Variants in CEP131 observed in about 807,000 individuals in gnomAD.
CEP131 encodes centrosomal protein of 131 kDa.
A neutral mutation model predicts 136.8 loss-of-function variants in CEP131; 99 were observed. The ratio of observed to expected loss-of-function variants is 0.72; its 90% CI spans 0.62 to 0.86. The LOEUF is 0.86. Among genes scored for constraint, CEP131 ranks in the 40% least tolerant of loss-of-function variants. CEP131 has a pLI of 0.00. For missense variants in CEP131, 1,459 were observed against 1,463.0 expected, an observed-to-expected ratio of 1.00 and a Z score of 0.04; for synonymous variants, 646 against 612.7, an observed-to-expected ratio of 1.05 and a Z score of -0.80.
chr17:81,193,767 C>T (rs1260395629), intron 18 of CEP131, among the ~76,000 whole-genome samples, 159 bp downstream of exon 18: 2 of 152,194 alleles, frequency 1.3e-5, no homozygotes, highest in Non-Finnish European at 2.9e-5. Context: ...TGAGGCTGGG[C>T]CCCCAAGGGC....
intron 12 of CEP131, 31 bp from the exon 13 acceptor site, chr17:81,197,919 G>A (rs377079557): frequency 3.4e-5 from 55 of 1,599,206 alleles, no homozygotes; most frequent in Non-Finnish European, 4.6e-5. Flanking sequence ...ATCGGGGGCT[G>A]TCAGGGCAGC....
At position 81,222,507 on chromosome 17, in the gene CEP131, G is replaced by A. The variant is rs868608767; in HGVS notation, c.-18+262C>T. 3.6e-4 allele frequency among the ~76,000 whole-genome samples: 55 copies of A among 152,316 alleles called. 1 individual carries two copies. The South Asian group carries it at 4.1e-3, about 11-fold the overall frequency. On this transcript the variant is annotated intron_variant, in intron 1 of 25. Coordinates refer to ENST00000450824, the MANE Select transcript of CEP131 (RefSeq NM_014984.4). ...TGGAGAGGGTGGAGGGGATGGAGGT[G>A]GGGACCCACACCCTCAGGCACGAGC...
intron 8 of CEP131, 68 bp downstream of exon 8, chr17:81,200,261 T>C: frequency 7.8e-7 from 1 of 1,276,138 alleles, no homozygotes; most frequent in Non-Finnish European, 1.1e-6. Flanking sequence ...TCCCAGAAAC[T>C]CAAACCCCTG....
rs752743545 is a variant in CEP131, at chr17:81,196,835, T to A, written c.1774-9A>T. ...AGGTCTCGCTGCTGCGCCTGCAGGG[T>A]GTGGGCAGAGGAGGGAAGCGCTAGG... On this transcript the variant is annotated splice_polypyrimidine_tract_variant and intron_variant, in intron 14 of 25. Coordinates refer to ENST00000450824, the MANE Select transcript of CEP131 (RefSeq NM_014984.4). 6.3e-7 allele frequency: 1 copy of A among 1,597,080 alleles called. No individual in the cohort carries two copies. The highest frequency in any genetic ancestry group is 8.5e-7 in the Non-Finnish European group (1 of 1,172,918).
At chr17:81,195,810 C>T (rs377733525) in intron 16 of CEP131, 25 bp downstream of exon 16, 15 of 1,588,136 alleles carry the variant, frequency 9.4e-6, no homozygotes, top group African/African-American at 2.7e-5. Flanking sequence ...CTTGGGACGC[C>T]GTGCAGTAGG....
chr17:81,203,459 C>A lies in CEP131; in HGVS notation c.629+35G>T. ...ACTACATGCCCTAACTGAGGTCGGA[C>A]CCCGCAGCCCCGCGGCCTCCCCAGA... is the stretch of plus-strand genomic sequence containing the variant. On this transcript the variant is annotated intron_variant, in intron 6 of 25. Transcript: ENST00000450824. This position sits in a 1 kb window ranked among gnomAD's most constrained non-coding sequence, Gnocchi z 4.6. 6.5e-7 allele frequency: 1 copy of A among 1,527,368 alleles called. No homozygotes were observed. The highest frequency in any genetic ancestry group is 2.4e-5 in the East Asian group (1 of 42,024). The allele number at this position is 1,527,368 out of a possible 1,614,324, so 94.6% of individuals were successfully genotyped here. A position where few individuals can be genotyped will look rare whatever the true frequency, so the allele number is the denominator to read the frequency against.
rs1298986935 is a variant in CEP131 at position 81,192,972 on chromosome 17, T to G, written c.2322-129A>C. On this transcript the variant is annotated intron_variant, in intron 18 of 25. Coordinates refer to ENST00000450824, the MANE Select transcript of CEP131 (RefSeq NM_014984.4). ...GAGCAGCCCTCCGGGGCCCTGCCCC[T>G]CCCCCTCGGCAGTCAAGGCCCCTCA... The G allele has an allele frequency of 5.0e-6, 7 of 1,387,696 alleles. No homozygotes were observed. In the African/African-American group the frequency reaches 7.2e-5, roughly 14 times the overall value. The allele number at this position is 1,387,696 out of a possible 1,614,324, so 86.0% of individuals were successfully genotyped here.
At chr17:81,193,638 T>TG (rs2061690075) in intron 18 of CEP131, among the ~76,000 whole-genome samples, 4 of 151,974 alleles carry the variant, frequency 2.6e-5, no homozygotes, top group Admixed American at 2.6e-4. Flanking sequence ...TGTGAAAGAG[T>TG]GGATGTCTGG....
At chr17:81,221,080 G>A (rs915863116) in intron 1 of CEP131, among the ~76,000 whole-genome samples, 8 of 142,996 alleles carry the variant, frequency 5.6e-5, no homozygotes, top group South Asian at 2.3e-4. Flanking sequence ...AGCCAAGATC[G>A]TGACACTGCA....
intron 2 of CEP131, among the ~76,000 whole-genome samples, chr17:81,212,043 G>A (rs983619759): frequency 2.6e-5 from 4 of 151,982 alleles, no homozygotes; most frequent in South Asian, 2.1e-4. Context: ...GGCCGGGTGC[G>A]GTGGCTCATG....
At chr17:81,211,358 A>G (rs189825079) in intron 2 of CEP131, among the ~76,000 whole-genome samples, 9 of 152,334 alleles carry the variant, frequency 5.9e-5, no homozygotes, top group Admixed American at 5.2e-4. Flanking sequence ...AGGAGAAACA[A>G]GATGCCTTCT....
chr17:81,196,925 G>A lies in CEP131; in HGVS notation c.1773+5C>T, dbSNP rs765938972. The A allele has an allele frequency of 4.0e-5, 64 of 1,609,148 alleles. No homozygotes were observed. In the South Asian group the frequency reaches 5.1e-4, roughly 13 times the overall value. On this transcript the variant is annotated splice_donor_5th_base_variant and intron_variant, in intron 14 of 25. Coordinates refer to ENST00000450824, the MANE Select transcript of CEP131 (RefSeq NM_014984.4). Reference sequence around the variant, plus strand: ...GCCCGGGATTAGCAGTGCCAGCAGCGTTACCAGCGCTCTCTGCAGCAGCAG... The same window carrying A: ...GCCCGGGATTAGCAGTGCCAGCAGCATTACCAGCGCTCTCTGCAGCAGCAG...
At position 81,192,396 on chromosome 17, in the gene CEP131, G is replaced by T; in HGVS notation, c.2548-4C>A. On this transcript the variant is annotated splice_polypyrimidine_tract_variant and splice_region_variant and intron_variant, in intron 20 of 25. Transcript: ENST00000450824. ...GCTTCAGGGTATTCAGCTCCATCTG[G>T]GGGGCGGACATAAGAGGCCAGTCAG... 6 of 1,609,498 alleles carry T rather than the reference G, an allele frequency of 3.7e-6. No homozygotes were observed. Among genetic ancestry groups the T allele is most frequent in the Non-Finnish European group, 5.1e-6 (6 of 1,178,960 alleles).
chr17:81,197,028 G>C lies in CEP131; in HGVS notation c.1675C>G (p.Pro559Ala), dbSNP rs2061772933. ...CTCACCTCGGACCCCAGCTCCAGGG[G>C]CCCCGGCCCCGCCTCCGGCACCCAC... is the stretch of plus-strand genomic sequence containing the variant. The part of the protein sequence containing the change: ...EGWVPEAGPG[P>A]LELGSEVSTS... The change falls in exon 14 of 26, where the codon CCC (proline) becomes GCC (alanine). Residue 559 changes from proline to alanine, a missense_variant. Around this residue, in one of 3 missense-constraint regions of CEP131, gnomAD observed 1,026 missense variants for 964.2 expected, o/e 1.06. Transcript: ENST00000450824. 1 of 1,589,488 alleles carries C rather than the reference G, an allele frequency of 6.3e-7. No individual in the cohort carries two copies. Among genetic ancestry groups the C allele is most frequent in the Non-Finnish European group, 8.6e-7 (1 of 1,168,270 alleles).
In CEP131 at chr17:81,219,850, G is replaced by A. The variant is rs1020827274; in HGVS notation, c.177+30C>T. ...TGAACAACAGCCCTCCAGGAGGCAG[G>A]GGCCCGGACTCCTAGGCCACAGTAC... On this transcript the variant is annotated intron_variant, in intron 2 of 25. Coordinates refer to ENST00000450824, the MANE Select transcript of CEP131 (RefSeq NM_014984.4). This position sits in a 1 kb window ranked among gnomAD's most constrained non-coding sequence, Gnocchi z 4.0. The A allele has an allele frequency of 6.6e-7, 1 of 1,519,560 alleles. No homozygotes were observed. Among genetic ancestry groups the A allele is most frequent in the Non-Finnish European group, 8.9e-7 (1 of 1,127,378 alleles). 94.1% of individuals were successfully genotyped at this position (1,519,560 alleles called of 1,614,324 possible).
intron 2 of CEP131, among the ~76,000 whole-genome samples, chr17:81,218,706 C>T (rs2062313498): frequency 6.6e-6 from 1 of 152,258 alleles, no homozygotes; most frequent in Non-Finnish European, 1.5e-5. Flanking sequence ...GCTGCCCTTA[C>T]CCCGGAACTC....
intron 2 of CEP131, among the ~76,000 whole-genome samples, chr17:81,212,989 A>G (rs2062168122): frequency 6.6e-6 from 1 of 152,206 alleles, no homozygotes; most frequent in Admixed American, 6.5e-5. Context: ...CCACTCTCCA[A>G]GAAAAAGAAC....
rs747657923 is a variant in CEP131 at position 81,199,700 on chromosome 17, G to A, written c.1023+19C>T. On this transcript the variant is annotated intron_variant, in intron 9 of 25. Coordinates refer to ENST00000450824, the MANE Select transcript of CEP131 (RefSeq NM_014984.4). Reference sequence around the variant, plus strand: ...GCCTGGGCCACGGTGCTGCTCAGTGGTCCCTGCGCGGTCAGCACCTGAATG... The same window carrying A: ...GCCTGGGCCACGGTGCTGCTCAGTGATCCCTGCGCGGTCAGCACCTGAATG... 4.0e-5 allele frequency: 65 copies of A among 1,605,598 alleles called. No individual in the cohort carries two copies. In the South Asian group the frequency reaches 5.8e-4, roughly 14 times the overall value.
intron 15 of CEP131, 37 bp from the exon 16 acceptor site, chr17:81,195,988 GC>G: frequency 6.4e-7 from 1 of 1,558,636 alleles, no homozygotes. Context: ...CTACACCAAG[GC>G]CCCAGCCCAG....
Sources: allele counts gnomAD v4.1 joint callset (sites outside exome capture counted in the v4.1 genomes callset), GRCh38; gene constraint gnomAD v4.1.1; regional missense constraint gnomAD v4.1.1; non-coding constraint Gnocchi (gnomAD v3.1); transcripts MANE v1.5; gene names NCBI Gene and HGNC (gene_info 2026-07-23, HGNC 2026-07-21).